Variants in MCCC2 observed in about 807,000 individuals in gnomAD.
The protein encoded by MCCC2 is methylcrotonyl-CoA carboxylase subunit 2.
In MCCC2, 52 loss-of-function variants were observed where a neutral mutation model predicts 77.2. That is an observed-to-expected ratio of 0.67 (90% CI 0.54 to 0.85). MCCC2 has a LOEUF of 0.85. Among genes scored for constraint, MCCC2 ranks in the 40% least tolerant of loss-of-function variants. MCCC2 has a pLI of 0.00. For synonymous variants in MCCC2, 253 were observed against 248.4 expected (o/e 1.02, Z -0.18); for missense variants, 682 against 703.2 (o/e 0.97, Z 0.34).
chr5:71,614,744 A>C (rs1746102896), intron 6 of MCCC2, among the ~76,000 whole-genome samples: 1 of 152,130 alleles, frequency 6.6e-6, no homozygotes, highest in South Asian at 2.1e-4. Flanking sequence ...TTGGTCTCCC[A>C]AAGTGCTGGG....
At chr5:71,593,086 G>GAT (rs200163577) in intron 2 of MCCC2, 94 bp downstream of exon 2, 15,824 of 944,990 alleles carry the variant, frequency 0.017, 53 homozygotes, top group East Asian at 0.04. Context: ...TTAAGCTTTT[G>GAT]ATATTTTTTT....
Position 71,599,731 on chromosome 5 carries a change from C to G in MCCC2, c.354C>G (p.Gly118=), listed in dbSNP as rs1433769835. ...ACAATGAGGAGGTGCCAGGAGGTGG[C>G]ATTATTACAGGCATTGGAAGAGTAT... ...LYDNEEVPGG[G]IITGIGRVSG... is the part of the protein sequence containing the mutation. Residue 118 remains glycine (G), a synonymous_variant, in exon 4 of 17, where the codon GGC becomes GGG. Coordinates refer to ENST00000340941, the MANE Select transcript of MCCC2 (RefSeq NM_022132.5). 6.2e-7 allele frequency: 1 copy of G among 1,613,936 alleles called. No homozygotes were observed. Among genetic ancestry groups the G allele is most frequent in the African/African-American group, 1.3e-5 (1 of 74,924 alleles).
At chr5:71,627,013 C>T (rs1454136869) in intron 7 of MCCC2, among the ~76,000 whole-genome samples, 1 of 152,170 alleles carries the variant, frequency 6.6e-6, no homozygotes, top group Non-Finnish European at 1.5e-5. Context: ...CCTCTGCCAC[C>T]TCGGCACCAC....
intron 16 of MCCC2, among the ~76,000 whole-genome samples, chr5:71,654,805 A>G (rs1318487542): frequency 2.0e-5 from 3 of 152,014 alleles, no homozygotes; most frequent in Non-Finnish European, 4.4e-5. Flanking sequence ...AATAAATGTT[A>G]ACAGACAGTA....
At chr5:71,619,146 C>A (rs777782379) in intron 6 of MCCC2, among the ~76,000 whole-genome samples, 3 of 152,184 alleles carry the variant, frequency 2.0e-5, no homozygotes, top group Non-Finnish European at 2.9e-5. Context: ...TCCTCCTCCC[C>A]GCTTGCCTTA....
chr5:71,589,960 A>G (rs76580995), intron 1 of MCCC2, among the ~76,000 whole-genome samples: 1 of 152,156 alleles, frequency 6.6e-6, no homozygotes, highest in African/African-American at 2.4e-5. Flanking sequence ...AGCTCTACCT[A>G]GGTGGGTTCT....
intron 10 of MCCC2, chr5:71,636,114 T>C (rs762468508): frequency 2.4e-6 from 1 of 418,870 alleles, no homozygotes; most frequent in South Asian, 1.8e-5. Flanking sequence ...AAATTCTTCA[T>C]GAAATATTTT....
At chr5:71,622,720 G>A (rs1412492399) in intron 6 of MCCC2, among the ~76,000 whole-genome samples, 1 of 152,172 alleles carries the variant, frequency 6.6e-6, no homozygotes, top group African/African-American at 2.4e-5. Context: ...TGGTTTCCTG[G>A]TCTTGAACTC....
rs1421145993 is a variant in MCCC2, at chr5:71,657,818, C to T, written c.*958C>T. 1 of 152,242 alleles carries T rather than the reference C, an allele frequency of 6.6e-6. No individual in the cohort carries two copies. The highest frequency in any genetic ancestry group is 1.5e-5 in the Non-Finnish European group (1 of 68,080). 9.4% of individuals were successfully genotyped at this position (152,242 alleles called of 1,614,324 possible). A position where few individuals can be genotyped will look rare whatever the true frequency, so the allele number is the denominator to read the frequency against. ...CCCCTGTCATGGCTTCACTCGCCAT[C>T]TAAATGCAGATGATTACTGCCTTGA... On this transcript the variant is annotated 3_prime_UTR_variant, in exon 17 of 17. Coordinates refer to ENST00000340941, the MANE Select transcript of MCCC2 (RefSeq NM_022132.5).
At chr5:71,604,504 T>C (rs1745587766) in intron 6 of MCCC2, 36 bp downstream of exon 6, 1 of 1,487,018 alleles carries the variant, frequency 6.7e-7, no homozygotes, top group Non-Finnish European at 9.4e-7. Flanking sequence ...AGTGGTGCTT[T>C]TTACTCTTAA....
chr5:71,626,894 G>T, intron 7 of MCCC2, 141 bp downstream of exon 7: 1 of 798,004 alleles, frequency 1.3e-6, no homozygotes, highest in Non-Finnish European at 2.1e-6. Flanking sequence ...CCGTTTTTCA[G>T]TACAGCTTGG....
intron 6 of MCCC2, among the ~76,000 whole-genome samples, chr5:71,624,533 G>A (rs1235539685): frequency 6.7e-6 from 1 of 149,570 alleles, no homozygotes; most frequent in Non-Finnish European, 1.5e-5. Context: ...ATGCACCACC[G>A]TGCCTGGCTA....
intron 10 of MCCC2, among the ~76,000 whole-genome samples, chr5:71,637,382 G>C (rs1746967641): frequency 6.6e-6 from 1 of 152,176 alleles, no homozygotes; most frequent in Non-Finnish European, 1.5e-5. Flanking sequence ...GTTTTCCAGA[G>C]CATATAAAAG....
At chr5:71,643,730 T>C (rs761545696) in intron 11 of MCCC2, 89 bp from the exon 12 acceptor site, 5 of 1,611,540 alleles carry the variant, frequency 3.1e-6, no homozygotes, top group Non-Finnish European at 1.7e-6. Context: ...GGATCTGATA[T>C]TAAAGAATGT....
chr5:71,623,737 C>T (rs1170718460), intron 6 of MCCC2, among the ~76,000 whole-genome samples: 1 of 152,158 alleles, frequency 6.6e-6, no homozygotes, highest in Admixed American at 6.5e-5. Flanking sequence ...GCCTGGTTAC[C>T]AGAATCTCCT....
At chr5:71,628,222 T>G (rs1447814263) in intron 7 of MCCC2, among the ~76,000 whole-genome samples, 1 of 152,266 alleles carries the variant, frequency 6.6e-6, no homozygotes, top group Non-Finnish European at 1.5e-5. Flanking sequence ...TTCTCATTTT[T>G]AAATTGGGCT....
At chr5:71,652,580 G>A in intron 15 of MCCC2, 89 bp from the exon 16 acceptor site, 4 of 953,878 alleles carry the variant, frequency 4.2e-6, no homozygotes, top group South Asian at 4.1e-5. Flanking sequence ...TATTATTCAT[G>A]ACATCTGTTG....
At chr5:71,647,332 T>C (rs1747297731) in intron 13 of MCCC2, among the ~76,000 whole-genome samples, 3 of 152,132 alleles carry the variant, frequency 2.0e-5, no homozygotes, top group Admixed American at 2.0e-4. Context: ...GCTACTTAGG[T>C]TCATGATATT....
chr5:71,623,272 C>T (rs1010934926), intron 6 of MCCC2, among the ~76,000 whole-genome samples: 2 of 152,188 alleles, frequency 1.3e-5, no homozygotes, highest in East Asian at 3.8e-4. Flanking sequence ...CTCGCAGTTT[C>T]TGTGCGTTGG....
Sources: gnomAD v4.1 joint callset for allele counts (sites outside exome capture counted in the v4.1 genomes callset) on GRCh38, gnomAD v4.1.1 for gene constraint, MANE v1.5 for transcripts, NCBI Gene and HGNC (gene_info 2026-07-23, HGNC 2026-07-21) for gene names.